Variants in LARP4B observed in about 807,000 individuals in gnomAD.
LARP4B encodes La ribonucleoprotein 4B.
Under a neutral mutation model 89.8 loss-of-function variants are expected in LARP4B, and 12 were observed. The ratio of observed to expected loss-of-function variants is 0.13; its 90% confidence interval spans 0.09 to 0.22. The LOEUF is 0.22. Ranked by LOEUF, LARP4B falls within the 10% of genes least tolerant of loss-of-function variation. LARP4B has a pLI of 1.00. For missense variants in LARP4B, 757 were observed against 947.7 expected (o/e 0.80, Z 2.64); for synonymous variants, 367 against 363.3 (o/e 1.01, Z -0.12).
chr10:912,158 A>C (rs765049961), intron 1 of LARP4B, among the ~76,000 whole-genome samples: 1 of 152,180 alleles, frequency 6.6e-6, no homozygotes. Flanking sequence ...GTCTATTAAT[A>C]AAAGTGGAAT....
intron 3 of LARP4B, among the ~76,000 whole-genome samples, chr10:872,715 A>G (rs1327951678): frequency 2.0e-5 from 3 of 152,216 alleles, no homozygotes; most frequent in African/African-American, 7.2e-5. Context: ...ACCAGCACAC[A>G]TGAGAAAAGC....
chr10:974,668 C>T, the LARP4B span, among the ~76,000 whole-genome samples: 3 of 152,206 alleles, frequency 2.0e-5, no homozygotes, highest in Non-Finnish European at 2.9e-5. Flanking sequence ...GCCACTGGTC[C>T]GAGCTCCCTC....
At chr10:907,871 G>A (rs1836537208) in intron 1 of LARP4B, among the ~76,000 whole-genome samples, 1 of 152,194 alleles carries the variant, frequency 6.6e-6, no homozygotes, top group Admixed American at 6.5e-5. Flanking sequence ...ATCATCAATG[G>A]CCAATGATTT....
intron 1 of LARP4B, among the ~76,000 whole-genome samples, chr10:893,000 TC>T (rs899547867): frequency 6.8e-6 from 1 of 146,232 alleles, no homozygotes; most frequent in African/African-American, 2.5e-5. Flanking sequence ...AACCTCTGCC[TC>T]CCGGGCTCAG....
chr10:946,503 T>G, the LARP4B span, among the ~76,000 whole-genome samples: 1 of 152,232 alleles, frequency 6.6e-6, no homozygotes, highest in Non-Finnish European at 1.5e-5. Flanking sequence ...TTGGTTAGAG[T>G]GGCAGTTTCT....
chr10:897,561 T>C (rs1261829634), intron 1 of LARP4B, among the ~76,000 whole-genome samples: 2 of 152,038 alleles, frequency 1.3e-5, no homozygotes, highest in African/African-American at 2.4e-5. Flanking sequence ...AAGCACACTA[T>C]CAAGAAAGTG....
At chr10:864,000 C>A in intron 4 of LARP4B, 117 bp from the exon 5 acceptor site, 1 of 1,545,452 alleles carries the variant, frequency 6.5e-7, no homozygotes, top group Non-Finnish European at 8.8e-7. Flanking sequence ...TCTGGGCTCT[C>A]AAGCACTGCC....
At chr10:944,292 G>C in the LARP4B span, among the ~76,000 whole-genome samples, 2 of 152,142 alleles carry the variant, frequency 1.3e-5, no homozygotes, top group Non-Finnish European at 1.5e-5. Flanking sequence ...TCAAGGCCTG[G>C]CTGGTGAAAC....
At chr10:863,292 C>T (rs1439683045) in intron 5 of LARP4B, among the ~76,000 whole-genome samples, 1 of 151,204 alleles carries the variant, frequency 6.6e-6, no homozygotes, top group Non-Finnish European at 1.5e-5. Context: ...GGCACGATCT[C>T]GGCTCACTGC....
intron 1 of LARP4B, among the ~76,000 whole-genome samples, chr10:909,132 AC>A (rs1179947482): frequency 2.7e-4 from 41 of 152,156 alleles, no homozygotes; most frequent in African/African-American, 9.4e-4. Flanking sequence ...GTCTCTACTA[AC>A]AATACAAAAA....
the LARP4B span, among the ~76,000 whole-genome samples, chr10:969,492 G>A: frequency 1.3e-5 from 2 of 152,312 alleles, no homozygotes; most frequent in East Asian, 1.9e-4. Flanking sequence ...CACTTTGGGA[G>A]GCAGAGGTGG....
At chr10:888,108 C>T (rs1024953626) in intron 1 of LARP4B, among the ~76,000 whole-genome samples, 10 of 151,780 alleles carry the variant, frequency 6.6e-5, no homozygotes, top group African/African-American at 1.9e-4. Context: ...TCACCTGAGG[C>T]CAGGAGTTCG....
At chr10:884,560 A>G (rs1022000451) in intron 2 of LARP4B, 54 bp from the exon 3 acceptor site, 102 of 1,236,020 alleles carry the variant, frequency 8.3e-5, no homozygotes, top group East Asian at 7.0e-5. Flanking sequence ...AAGAAACAAC[A>G]TATTTTCAAA....
intron 1 of LARP4B, among the ~76,000 whole-genome samples, chr10:895,419 C>A (rs1023549176): frequency 5.3e-5 from 8 of 150,744 alleles, no homozygotes; most frequent in Admixed American, 5.3e-4. Flanking sequence ...GAAATAAAAA[C>A]GCAGAAAGTA....
chr10:819,347 C>T (rs1832222072), intron 14 of LARP4B: 1 of 152,208 alleles, frequency 6.6e-6, no homozygotes, highest in South Asian at 2.1e-4. Context: ...ACAGATGGGA[C>T]TTGACTTGGA....
chr10:845,271 A>G (rs1195424494), intron 5 of LARP4B, among the ~76,000 whole-genome samples: 2 of 152,212 alleles, frequency 1.3e-5, no homozygotes, highest in African/African-American at 2.4e-5. Context: ...CAGTTTAGAA[A>G]AATAATCTAA....
intron 3 of LARP4B, among the ~76,000 whole-genome samples, chr10:867,953 T>G (rs1043073287): frequency 2.6e-5 from 4 of 151,666 alleles, no homozygotes; most frequent in Admixed American, 6.6e-5. Context: ...AAGCAATGGT[T>G]ATTAAAACCA....
At chr10:835,039 CAAAA>C (rs34825774) in intron 8 of LARP4B, among the ~76,000 whole-genome samples, 1 of 93,500 alleles carries the variant, frequency 1.1e-5, no homozygotes. Flanking sequence ...GACTCCGTCT[CAAAA>C]AAAAAAAAAA....
At chr10:914,946 T>C (rs552856041) in intron 1 of LARP4B, among the ~76,000 whole-genome samples, 1 of 152,100 alleles carries the variant, frequency 6.6e-6, no homozygotes, top group Non-Finnish European at 1.5e-5. Flanking sequence ...GCTTGCTAAA[T>C]TAGAAGAGAA....
Sources: allele counts gnomAD v4.1 joint callset (sites outside exome capture counted in the v4.1 genomes callset), GRCh38; gene constraint gnomAD v4.1.1; transcripts MANE v1.5; gene names NCBI Gene and HGNC (gene_info 2026-07-23, HGNC 2026-07-21).